ABLIM2: variants seen among roughly 807,000 people sequenced by gnomAD.
ABLIM2 encodes the protein actin binding LIM protein family member 2.
Under a neutral mutation model 97.7 loss-of-function variants are expected in ABLIM2, and 53 were observed. The observed-to-expected ratio is 0.54, with a 90% CI of 0.44 to 0.68. The LOEUF is 0.68. ABLIM2 is among the 30% of genes least tolerant of loss of function. The pLI, the probability that ABLIM2 is intolerant of heterozygous loss-of-function variation, is 0.00. For missense variants in ABLIM2, 835 were observed against 867.2 expected, an observed-to-expected ratio of 0.96 and a Z score of 0.47; for synonymous variants, 361 against 345.8, an observed-to-expected ratio of 1.04 and a Z score of -0.49.
chr4:8,006,721 G>A (rs573996657), intron 16 of ABLIM2, among the ~76,000 whole-genome samples: 18 of 152,292 alleles, frequency 1.2e-4, no homozygotes, highest in African/African-American at 3.4e-4. Flanking sequence ...AGAGGGACCG[G>A]AGGACTGGCA....
rs1232325993 is a variant in ABLIM2, at chr4:8,019,093, G to C, written c.1423+525C>G. Among the ~76,000 whole-genome samples the C allele has an allele frequency of 1.3e-5, 2 of 152,222 alleles. No individual in the cohort carries two copies. The highest frequency in any genetic ancestry group is 4.8e-5 in the African/African-American group (2 of 41,458). Reference sequence around the variant, plus strand: ...GCAGGTTCACGTGGAGCAGAGCTGGGCGTCAGCTCCTATTTGCTTATGCAA... The same window carrying C: ...GCAGGTTCACGTGGAGCAGAGCTGGCCGTCAGCTCCTATTTGCTTATGCAA... On this transcript the variant is annotated intron_variant, in intron 14 of 20. Coordinates refer to ENST00000447017, the MANE Select transcript of ABLIM2 (RefSeq NM_001130083.2). The surrounding 1 kb of genome is among the most constrained non-coding windows in gnomAD (Gnocchi z 4.3).
chr4:8,031,435 G>A (rs1045619950), intron 10 of ABLIM2, among the ~76,000 whole-genome samples: 1 of 152,218 alleles, frequency 6.6e-6, no homozygotes, highest in Non-Finnish European at 1.5e-5. Context: ...CCCAGGCCTG[G>A]GACATCAAAA....
rs755976215 is a variant in ABLIM2 at position 8,085,824 on chromosome 4, G to A, written c.454+2345C>T. On this transcript the variant is annotated intron_variant, in intron 4 of 20. Coordinates refer to ENST00000447017, the MANE Select transcript of ABLIM2 (RefSeq NM_001130083.2). This position sits in a 1 kb window ranked among gnomAD's most constrained non-coding sequence, Gnocchi z 6.1. ...ACCCACCTGCTGGAATTCAGCCTGCGTCTCCAGTTTCAGAACCAAGGCCAC... is the reference window on the plus strand; with the variant it reads ...ACCCACCTGCTGGAATTCAGCCTGCATCTCCAGTTTCAGAACCAAGGCCAC... Among the ~76,000 whole-genome samples, 10 of 152,316 alleles carry A rather than the reference G, an allele frequency of 6.6e-5. No homozygotes were observed. The highest frequency in any genetic ancestry group is 1.3e-4 in the Non-Finnish European group (9 of 68,026).
intron 12 of ABLIM2, among the ~76,000 whole-genome samples, chr4:8,024,471 A>C (rs1205159970): frequency 6.6e-6 from 1 of 152,106 alleles, no homozygotes; most frequent in Non-Finnish European, 1.5e-5. Flanking sequence ...TCCGGAGGGA[A>C]ATGTCCACTG....
chr4:8,145,036 C>T (rs1390457289), intron 1 of ABLIM2, among the ~76,000 whole-genome samples: 2 of 152,102 alleles, frequency 1.3e-5, no homozygotes, highest in Admixed American at 6.5e-5. Context: ...TGACCTGGGG[C>T]GGGTCGTGCC....
At chr4:8,051,470 T>C (rs907259889) in intron 8 of ABLIM2, among the ~76,000 whole-genome samples, 1 of 146,828 alleles carries the variant, frequency 6.8e-6, no homozygotes, top group Admixed American at 7.0e-5. Context: ...GGCTGAAGAA[T>C]AGCTTGAATC....
chr4:8,034,479 G>A (rs1321742853), intron 10 of ABLIM2, among the ~76,000 whole-genome samples: 1 of 110,422 alleles, frequency 9.1e-6, no homozygotes, highest in Non-Finnish European at 1.9e-5. Context: ...GTGGGTGGTA[G>A]GTGGGTGCAG....
rs920768957 is a variant in ABLIM2 at position 8,054,432 on chromosome 4, T to C, written c.764-186A>G. Among the ~76,000 whole-genome samples, 1 of 152,108 alleles carries C rather than the reference T, an allele frequency of 6.6e-6. No homozygotes were observed. Among genetic ancestry groups the C allele is most frequent in the African/African-American group, 2.4e-5 (1 of 41,404 alleles). On this transcript the variant is annotated intron_variant, in intron 7 of 20. Transcript: ENST00000447017. The surrounding 1 kb of genome is among the most constrained non-coding windows in gnomAD (Gnocchi z 4.9). ...CGGGCAGGGGGTACCCAGATCACAG[T>C]CCCCGCCCCTCAGGGGCTCACAGCC...
chr4:8,106,378 G>A, intron 2 of ABLIM2, 116 bp downstream of exon 2: 2 of 1,363,520 alleles, frequency 1.5e-6, no homozygotes, highest in Non-Finnish European at 2.0e-6. Flanking sequence ...TGTATCTGGA[G>A]TGTTCTCCAG....
At chr4:7,969,206 C>A (rs1725541455) in intron 20 of ABLIM2, among the ~76,000 whole-genome samples, 1 of 152,132 alleles carries the variant, frequency 6.6e-6, no homozygotes, top group African/African-American at 2.4e-5. Flanking sequence ...GTAATCCCAG[C>A]ACTTTGGGAG....
chr4:8,072,160 A>C lies in ABLIM2; in HGVS notation c.675+5468T>G. 1 of 765,978 alleles carries C rather than the reference A, an allele frequency of 1.3e-6. No homozygotes were observed. Among genetic ancestry groups the C allele is most frequent in the Non-Finnish European group, 1.6e-6 (1 of 629,492 alleles). The allele number at this position is 765,978 out of a possible 1,614,324, so 47.4% of individuals were successfully genotyped here. On this transcript the variant is annotated intron_variant, in intron 6 of 20. Transcript: ENST00000447017. The surrounding 1 kb of genome is among the most constrained non-coding windows in gnomAD (Gnocchi z 5.8). The stretch of plus-strand genomic sequence containing the variant: ...GGCCCTTTCTCCTCCACAGCAGAGG[A>C]GGAGGAAAAAACCCAGACCTGTTTT...
At chr4:7,982,871 G>A (rs1444829060) in intron 20 of ABLIM2, among the ~76,000 whole-genome samples, 1 of 152,000 alleles carries the variant, frequency 6.6e-6, no homozygotes. Flanking sequence ...GCCCACCTAA[G>A]TTTTGTATTT....
At chr4:8,144,947 G>T (rs969461589) in intron 1 of ABLIM2, among the ~76,000 whole-genome samples, 2 of 152,234 alleles carry the variant, frequency 1.3e-5, no homozygotes, top group Non-Finnish European at 1.5e-5. Flanking sequence ...CACGCTCTGG[G>T]GAGGCGGCAG....
Position 8,032,990 on chromosome 4 carries a change from CA to C in ABLIM2, c.1047+3158del, listed in dbSNP as rs1281232037. Among the ~76,000 whole-genome samples, 1 of 152,082 alleles carries C rather than the reference CA, an allele frequency of 6.6e-6. No homozygotes were observed. The highest frequency in any genetic ancestry group is 1.5e-5 in the Non-Finnish European group (1 of 68,012). ...GTTCTCCCACAAAGATGTGTTTTCC[CA>C]AAAGGAAGACACTGGCTCAGGGCAC... On this transcript the variant is annotated intron_variant, in intron 10 of 20. Coordinates refer to ENST00000447017, the MANE Select transcript of ABLIM2 (RefSeq NM_001130083.2). This position sits in a 1 kb window ranked among gnomAD's most constrained non-coding sequence, Gnocchi z 4.3.
chr4:7,966,861 A>ACCCCCCCCCCCCC lies in ABLIM2; in HGVS notation c.*128_*129insGGGGGGGGGGGGG. 2 of 227,854 alleles carry ACCCCCCCCCCCCC rather than the reference A, an allele frequency of 8.8e-6. No individual in the cohort carries two copies. Among genetic ancestry groups the ACCCCCCCCCCCCC allele is most frequent in the East Asian group, 1.3e-4 (1 of 7,744 alleles). The allele number at this position is 227,854 out of a possible 1,614,324, so 14.1% of individuals were successfully genotyped here. A position where few individuals can be genotyped will look rare whatever the true frequency, so the allele number is the denominator to read the frequency against. On this transcript the variant is annotated 3_prime_UTR_variant, in exon 21 of 21. Transcript: ENST00000447017. Reference sequence around the variant, plus strand: ...GTGCAGGGGCCGCACCTGCTGGGGGACCCCCTCCCGCCCACCCCATGGACA... The same window carrying ACCCCCCCCCCCCC: ...GTGCAGGGGCCGCACCTGCTGGGGGACCCCCCCCCCCCCCCCCCTCCCGCCCACCCCATGGACA...
intron 4 of ABLIM2, among the ~76,000 whole-genome samples, chr4:8,084,709 C>T (rs549712847): frequency 1.3e-4 from 20 of 152,360 alleles, no homozygotes; most frequent in Admixed American, 8.5e-4. Flanking sequence ...CTCCTCAGCA[C>T]GGATGGAGCT....
Position 8,095,529 on chromosome 4 carries a change from C to A in ABLIM2, c.338+1570G>T, listed in dbSNP as rs1831106853. Reference sequence around the variant, plus strand: ...TCTGGCAGACAGTTTATTTGCAGATCAACATGATCTTTTTTAAAAAATAAT... The same window carrying A: ...TCTGGCAGACAGTTTATTTGCAGATAAACATGATCTTTTTTAAAAAATAAT... On this transcript the variant is annotated intron_variant, in intron 3 of 20. Coordinates refer to ENST00000447017, the MANE Select transcript of ABLIM2 (RefSeq NM_001130083.2). The surrounding 1 kb of genome is among the most constrained non-coding windows in gnomAD (Gnocchi z 4.7). Among the ~76,000 whole-genome samples, 1 of 152,162 alleles carries A rather than the reference C, an allele frequency of 6.6e-6. No individual in the cohort carries two copies. Among genetic ancestry groups the A allele is most frequent in the Non-Finnish European group, 1.5e-5 (1 of 68,024 alleles).
chr4:8,066,431 GA>G (rs1807747368), intron 6 of ABLIM2: 1 of 136,502 alleles, frequency 7.3e-6, no homozygotes, highest in African/African-American at 2.7e-5. Flanking sequence ...GGAAGGAAGG[GA>G]GGGGTGGTTC....
chr4:8,109,966 C>T (rs1015778408), intron 1 of ABLIM2, among the ~76,000 whole-genome samples: 7 of 152,230 alleles, frequency 4.6e-5, no homozygotes, highest in South Asian at 2.1e-4. Context: ...CCACCTCATC[C>T]GTTATTTAAT....
Sources: gnomAD v4.1 joint callset for allele counts (sites outside exome capture counted in the v4.1 genomes callset) on GRCh38, gnomAD v4.1.1 for gene constraint, Gnocchi (gnomAD v3.1) non-coding constraint, MANE v1.5 for transcripts, NCBI Gene and HGNC (gene_info 2026-07-23, HGNC 2026-07-21) for gene names.